ITGB7: variants seen among roughly 807,000 people sequenced by gnomAD.
ITGB7 encodes integrin beta-7.
A neutral mutation model predicts 83.4 loss-of-function variants in ITGB7; 55 were observed. That is an observed-to-expected ratio of 0.66 (90% CI 0.53 to 0.83). The LOEUF is 0.83. ITGB7 is among the 40% of genes least tolerant of loss of function. ITGB7 has a pLI of 0.00. For synonymous variants in ITGB7, 454 were observed against 423.6 expected, an observed-to-expected ratio of 1.07 and a Z score of -0.88; for missense variants, 921 against 1,046.7, an observed-to-expected ratio of 0.88 and a Z score of 1.66.
rs758473142 is a variant in ITGB7 at position 53,197,404 on chromosome 12, G to C, written c.574+89C>G. 3.4e-6 allele frequency: 5 copies of C among 1,484,626 alleles called. 1 individual carries two copies. The South Asian group carries it at 5.7e-5, about 17-fold the overall frequency. 92.0% of individuals were successfully genotyped at this position (1,484,626 alleles called of 1,614,324 possible). ...GTCAACAACTGGGAGGGCAAGTTGGGGCCCTTGTGAGTCCAGGATGTTGGC... is the reference window on the plus strand; with the variant it reads ...GTCAACAACTGGGAGGGCAAGTTGGCGCCCTTGTGAGTCCAGGATGTTGGC... On this transcript the variant is annotated intron_variant, in intron 5 of 15. Coordinates refer to ENST00000267082, the MANE Select transcript of ITGB7 (RefSeq NM_000889.3).
At position 53,192,325 on chromosome 12, in the gene ITGB7, C is replaced by G; in HGVS notation, c.2155+5G>C. The G allele has an allele frequency of 6.2e-7, 1 of 1,613,998 alleles. No homozygotes were observed. Among genetic ancestry groups the G allele is most frequent in the South Asian group, 1.1e-5 (1 of 91,080 alleles). On this transcript the variant is annotated splice_donor_5th_base_variant and intron_variant, in intron 14 of 15. Transcript: ENST00000267082. ...CCAGGGTTTGTGGCATCCCTGCCCA[C>G]TTACTTTCTTGGGGTCTCACTCTGA...
intron 1 of ITGB7, among the ~76,000 whole-genome samples, chr12:53,203,647 C>CAAAAA (rs1158624130): frequency 1.6e-3 from 79 of 50,598 alleles, no homozygotes; most frequent in East Asian, 3.0e-3. Flanking sequence ...GACCCTGTCT[C>CAAAAA]AAAAAAAAAA....
intron 3 of ITGB7, among the ~76,000 whole-genome samples, chr12:53,199,525 C>A (rs71455242): frequency 6.6e-6 from 1 of 150,570 alleles, no homozygotes; most frequent in Non-Finnish European, 1.5e-5. Context: ...CCCTCCCCAC[C>A]CCCACCCCAT....
Position 53,196,146 on chromosome 12 carries a change from G to A in ITGB7, c.870C>T (p.Asp290=), listed in dbSNP as rs778341468. 5.0e-6 allele frequency: 8 copies of A among 1,614,200 alleles called. No individual in the cohort carries two copies. In the South Asian group the frequency reaches 7.7e-5, roughly 16 times the overall value. Residue 290 remains aspartate, a synonymous_variant, in exon 7 of 16, where the codon GAC becomes GAT. Transcript: ENST00000267082. ...TCCCGTCCCCAGCTGTATGGAATGT[G>A]TCGTCTGAAGTGAACACCAGCAGCC... The part of the protein sequence containing the change: ...VSRLLVFTSD[D]TFHTAGDGKL...
chr12:53,192,200 C>G, intron 14 of ITGB7, 130 bp downstream of exon 14: 1 of 1,226,066 alleles, frequency 8.2e-7, no homozygotes. Context: ...TCAATTGCCT[C>G]TGCCTTTGTC....
chr12:53,203,303 C>T (rs1263835262), intron 1 of ITGB7, among the ~76,000 whole-genome samples: 1 of 152,110 alleles, frequency 6.6e-6, no homozygotes, highest in Admixed American at 6.6e-5. Context: ...AATAGCCACC[C>T]AGCAAATGAA....
chr12:53,196,095 A>G lies in ITGB7; in HGVS notation c.921T>C (p.Ser307=). 1.2e-6 allele frequency: 2 copies of G among 1,614,120 alleles called. No homozygotes were observed. Among genetic ancestry groups the G allele is most frequent in the Non-Finnish European group, 1.7e-6 (2 of 1,179,950 alleles). Residue 307 remains serine (S), a synonymous_variant, in exon 7 of 16, where the codon AGT becomes AGC. Coordinates refer to ENST00000267082, the MANE Select transcript of ITGB7 (RefSeq NM_000889.3). ...TGCTGTCCAAGTGGCAGTGCCCATC[A>G]CTGGGCATGAAAATGCCGCCCAACT... ...DGKLGGIFMP[S]DGHCHLDSNG... is the part of the protein sequence containing the mutation.
intron 7 of ITGB7, 152 bp downstream of exon 7, chr12:53,195,889 G>T: frequency 2.0e-6 from 2 of 1,012,080 alleles, no homozygotes; most frequent in Non-Finnish European, 1.5e-6. Flanking sequence ...AAGGTGTCCT[G>T]TCTCGGCAGC....
chr12:53,195,068 T>C (rs1444246251), intron 9 of ITGB7: 1 of 340,074 alleles, frequency 2.9e-6, no homozygotes, highest in Non-Finnish European at 5.5e-6. Flanking sequence ...TTGGCAGGGT[T>C]AAATGAAGTA....
In ITGB7 at chr12:53,191,840, A is replaced by C; in HGVS notation, c.2316+19T>G. 1 of 1,613,424 alleles carries C rather than the reference A, an allele frequency of 6.2e-7. No individual in the cohort carries two copies. Among genetic ancestry groups the C allele is most frequent in the Non-Finnish European group, 8.5e-7 (1 of 1,179,898 alleles). ...TGGGGGAACAGCTAAAAAGGGGCCT[A>C]ACCAGGAAGTCTCCTCACCTGCTTC... On this transcript the variant is annotated intron_variant, in intron 15 of 15. Transcript: ENST00000267082.
chr12:53,195,997 G>A (rs549150500), intron 7 of ITGB7, 44 bp downstream of exon 7: 2 of 1,603,844 alleles, frequency 1.2e-6, no homozygotes, highest in African/African-American at 1.3e-5. Context: ...AAGGAAAGAG[G>A]TGTGGCTGAA....
At position 53,197,666 on chromosome 12, in the gene ITGB7, AG is replaced by A. The variant is rs1481146013; in HGVS notation, c.404-4del. ...GACCTGGAGCTGCTGGGGCTCCCCT[AG>A]GGGGTGGGCGGCGGGCGGGTCAGCA... On this transcript the variant is annotated splice_polypyrimidine_tract_variant and splice_region_variant and intron_variant, in intron 4 of 15. Transcript: ENST00000267082. 6.2e-7 allele frequency: 1 copy of A among 1,611,554 alleles called. No homozygotes were observed. Among genetic ancestry groups the A allele is most frequent in the African/African-American group, 1.3e-5 (1 of 74,706 alleles).
chr12:53,199,724 T>C (rs1395456518), intron 3 of ITGB7, among the ~76,000 whole-genome samples: 1 of 135,320 alleles, frequency 7.4e-6, no homozygotes, highest in Admixed American at 7.7e-5. Flanking sequence ...AGCGAGAAGG[T>C]AGCCAGTCTG....
intron 6 of ITGB7, 78 bp downstream of exon 6, chr12:53,196,501 T>G (rs897055399): frequency 6.6e-7 from 1 of 1,521,630 alleles, no homozygotes; most frequent in African/African-American, 1.4e-5. Context: ...CCCCTAGAAC[T>G]GTGCACTACA....
chr12:53,193,894 A>G lies in ITGB7; in HGVS notation c.1316T>C (p.Phe439Ser). The G allele has an allele frequency of 6.2e-7, 1 of 1,612,564 alleles. No individual in the cohort carries two copies. ...GTGGGTGGCTTGGAGAGAAACCCAG[A>G]AAGTCACCTGAGAAGAGGCAGGAAT... ...NHVRINQTVT[F>S]WVSLQATHCL... The change falls in exon 11 of 16, where the codon TTC becomes TCC. Residue 439 changes from phenylalanine to serine, a missense_variant. Coordinates refer to ENST00000267082, the MANE Select transcript of ITGB7 (RefSeq NM_000889.3).
chr12:53,197,735 C>T lies in ITGB7; in HGVS notation c.403+15G>A. On this transcript the variant is annotated intron_variant, in intron 4 of 15. Coordinates refer to ENST00000267082, the MANE Select transcript of ITGB7 (RefSeq NM_000889.3). ...AGCCTAGACCTCTGGCCTGGCCCCGCCTCCCCTAACTCACCAGGCCGCAGC... is the reference window on the plus strand; with the variant it reads ...AGCCTAGACCTCTGGCCTGGCCCCGTCTCCCCTAACTCACCAGGCCGCAGC... 1 of 1,585,538 alleles carries T rather than the reference C, an allele frequency of 6.3e-7. No homozygotes were observed. Among genetic ancestry groups the T allele is most frequent in the Non-Finnish European group, 8.6e-7 (1 of 1,166,900 alleles).
At position 53,192,823 on chromosome 12, in the gene ITGB7, C is replaced by T. The variant is rs1017309968; in HGVS notation, c.1814G>A (p.Cys605Tyr). The T allele has an allele frequency of 8.1e-6, 13 of 1,614,234 alleles. No individual in the cohort carries two copies. The highest frequency in any genetic ancestry group is 1.1e-5 in the Non-Finnish European group (13 of 1,180,050). Residue 605 changes from cysteine (C) to tyrosine (Y), a missense_variant, in exon 13 of 16, where the codon TGC becomes TAC. Coordinates refer to ENST00000267082, the MANE Select transcript of ITGB7 (RefSeq NM_000889.3). ...ACECSGDMDS[C>Y]ISPEGGLCSG... is the part of the protein sequence containing the mutation. ...GCAGAGCCCTCCCTCGGGACTGATG[C>T]AACTGTCCATGTCCCCACTGCATTC...
chr12:53,200,237 CT>C lies in ITGB7; in HGVS notation c.201+5del, dbSNP rs766713759. The C allele has an allele frequency of 6.2e-7, 1 of 1,613,042 alleles. No homozygotes were observed. Among genetic ancestry groups the C allele is most frequent in the African/African-American group, 1.3e-5 (1 of 74,918 alleles). ...CATGGTTCAAAGACCATAGGCCCAT[CT>C]TTACCAGTTGCTTGCACCATGCACA... is the stretch of plus-strand genomic sequence containing the variant. On this transcript the variant is annotated splice_donor_5th_base_variant and intron_variant, in intron 3 of 15. Transcript: ENST00000267082.
intron 2 of ITGB7, among the ~76,000 whole-genome samples, chr12:53,200,756 C>A (rs752670010): frequency 2.6e-5 from 4 of 151,990 alleles, no homozygotes; most frequent in Non-Finnish European, 5.9e-5. Context: ...TGGCGAAACC[C>A]CATCTCTACT....
Sources: allele counts gnomAD v4.1 joint callset (sites outside exome capture counted in the v4.1 genomes callset), GRCh38; gene constraint gnomAD v4.1.1; transcripts MANE v1.5; gene names NCBI Gene and HGNC (gene_info 2026-07-23, HGNC 2026-07-21).